The following IAPP variants were observed in gnomAD, a reference collection of about 807,000 sequenced individuals.
IAPP encodes Islet amyloid polypeptide (diabetes-associated peptide; amylin).
IAPP carries 4 observed loss-of-function variants against 2.9 expected under a neutral mutation model. The ratio of observed to expected loss-of-function variants is 1.39; its 90% CI spans 0.69 to 3.19. The LOEUF is 3.19. Ranked by LOEUF, IAPP falls within the 30% of genes most tolerant of loss-of-function variation. The pLI is 0.01. For missense variants in IAPP, 114 were observed against 105.3 expected (o/e 1.08, Z -0.36); for synonymous variants, 40 against 42.1 (o/e 0.95, Z 0.19).
At chr12:21,377,899 T>C (rs1297120527) in intron 2 of IAPP, among the ~76,000 whole-genome samples, 1 of 152,190 alleles carries the variant, frequency 6.6e-6, no homozygotes, top group Non-Finnish European at 1.5e-5. Flanking sequence ...AAATTCTTTT[T>C]ATATATTAAA....
chr12:21,358,246 T>C (rs751063702), intron 1 of IAPP, among the ~76,000 whole-genome samples: 1 of 152,186 alleles, frequency 6.6e-6, no homozygotes, highest in Non-Finnish European at 1.5e-5. Context: ...GAAAGTATGC[T>C]GGAAAAAATC....
intron 1 of IAPP, among the ~76,000 whole-genome samples, chr12:21,367,389 A>C (rs571808548): frequency 6.6e-6 from 1 of 152,314 alleles, no homozygotes; most frequent in African/African-American, 2.4e-5. Context: ...AAAAGGATAA[A>C]AACAACTACG....
At chr12:21,369,621 G>A (rs1254973059), upstream of IAPP, among the ~76,000 whole-genome samples, 3 of 152,106 alleles carry the variant, frequency 2.0e-5, no homozygotes, top group Non-Finnish European at 2.9e-5. Flanking sequence ...TTAAAGTTGC[G>A]GGACAGTTTT....
At chr12:21,361,747 T>G (rs949863270) in intron 1 of IAPP, among the ~76,000 whole-genome samples, 8 of 152,134 alleles carry the variant, frequency 5.3e-5, no homozygotes, top group African/African-American at 1.9e-4. Flanking sequence ...ACGTGACGCA[T>G]GTACAAGCTT....
At chr12:21,360,169 G>A (rs7959775) in intron 1 of IAPP, among the ~76,000 whole-genome samples, 7,861 of 152,196 alleles carry the variant, frequency 0.052, 284 homozygotes, top group Non-Finnish European at 0.079. Flanking sequence ...GAAGTGTAAC[G>A]AGATAAACTA....
intron 2 of IAPP, chr12:21,373,668 CA>C (rs748128579): frequency 2.1e-4 from 145 of 701,118 alleles, no homozygotes; most frequent in Non-Finnish European, 2.6e-4. Flanking sequence ...CCAGTTTTGT[CA>C]AGAAATATAC....
In IAPP at chr12:21,375,615, A is replaced by G. The variant is rs145024077; in HGVS notation, c.80+2184A>G. On this transcript the variant is annotated intron_variant, in intron 2 of 2. Coordinates refer to ENST00000240652, the MANE Select transcript of IAPP (RefSeq NM_000415.3). ...AGGTAATCAAAGGATAGTTAAAAAT[A>G]TAATTACATAGATGCCAAGATGCAA... 1.1e-3 allele frequency among the ~76,000 whole-genome samples: 170 copies of G among 152,360 alleles called. 2 individuals carry two copies. In the East Asian group the frequency reaches 0.027, roughly 25 times the overall value.
At chr12:21,358,949 T>C (rs1361016506) in intron 1 of IAPP, among the ~76,000 whole-genome samples, 4 of 152,138 alleles carry the variant, frequency 2.6e-5, no homozygotes, top group Non-Finnish European at 4.4e-5. Context: ...AGGCTGAAGA[T>C]ATTCACATAT....
At chr12:21,363,806 A>G (rs1227646975) in intron 1 of IAPP, among the ~76,000 whole-genome samples, 2 of 152,230 alleles carry the variant, frequency 1.3e-5, no homozygotes, top group Non-Finnish European at 2.9e-5. Context: ...GAAGAAATGG[A>G]TAAATTCCTG....
intron 2 of IAPP, among the ~76,000 whole-genome samples, chr12:21,375,426 C>A (rs918451392): frequency 6.6e-6 from 1 of 152,120 alleles, no homozygotes; most frequent in African/African-American, 2.4e-5. Context: ...AAATTTTAAA[C>A]TCTTTTTAAA....
intron 1 of IAPP, among the ~76,000 whole-genome samples, chr12:21,361,563 G>T (rs1283109875): frequency 6.6e-6 from 1 of 152,208 alleles, no homozygotes; most frequent in African/African-American, 2.4e-5. Context: ...ACAGAAGAAG[G>T]CTTCAGAAGA....
At chr12:21,372,513 T>C (rs564039902), upstream of IAPP, among the ~76,000 whole-genome samples, 4 of 152,308 alleles carry the variant, frequency 2.6e-5, no homozygotes, top group South Asian at 4.1e-4. Flanking sequence ...GATTCAGCCA[T>C]TGAGGTCACT....
At chr12:21,363,107 A>T (rs1160725193) in intron 1 of IAPP, among the ~76,000 whole-genome samples, 1 of 152,204 alleles carries the variant, frequency 6.6e-6, no homozygotes, top group Non-Finnish European at 1.5e-5. Context: ...TCTCAGCAAC[A>T]CATCACACTT....
chr12:21,369,802 G>A (rs887275267), upstream of IAPP, among the ~76,000 whole-genome samples: 9 of 152,118 alleles, frequency 5.9e-5, no homozygotes, highest in African/African-American at 2.2e-4. Flanking sequence ...AGGCTAGAGG[G>A]GATACCAAGA....
At chr12:21,375,301 G>A (rs940985510) in intron 2 of IAPP, among the ~76,000 whole-genome samples, 2 of 152,262 alleles carry the variant, frequency 1.3e-5, no homozygotes, top group East Asian at 1.9e-4. Flanking sequence ...TGCCTGAAAT[G>A]AGTATGTTTG....
At chr12:21,369,036 T>C (rs1203241400), upstream of IAPP, among the ~76,000 whole-genome samples, 1 of 152,134 alleles carries the variant, frequency 6.6e-6, no homozygotes, top group Non-Finnish European at 1.5e-5. Flanking sequence ...GCAAAATTTA[T>C]GGGTGGGCAG....
At chr12:21,358,582 T>C (rs1244813543) in intron 1 of IAPP, among the ~76,000 whole-genome samples, 3 of 152,162 alleles carry the variant, frequency 2.0e-5, no homozygotes, top group African/African-American at 7.2e-5. Context: ...TCATCATATA[T>C]AGATAATTTT....
chr12:21,373,292 A>G, intron 1 of IAPP, 45 bp from the exon 2 acceptor site: 1 of 1,110,862 alleles, frequency 9.0e-7, no homozygotes, highest in Non-Finnish European at 1.4e-6. Context: ...ATCAATTAGA[A>G]CTGTAAGAAA....
In IAPP at chr12:21,356,584, A is replaced by G. The variant is rs996118392; in HGVS notation, c.-16+1571A>G. Among the ~76,000 whole-genome samples the G allele has an allele frequency of 8.5e-5, 13 of 152,296 alleles. No homozygotes were observed. In the East Asian group the frequency reaches 2.3e-3, roughly 27 times the overall value. On this transcript the variant is annotated intron_variant, in intron 1 of 2. Transcript: ENST00000539393. ...TAACATTCAGAGCTTTTGAAAAAGCATTAAATGTGACATAGAAAAGTAGTT... is the reference window on the plus strand; with the variant it reads ...TAACATTCAGAGCTTTTGAAAAAGCGTTAAATGTGACATAGAAAAGTAGTT...
Sources: gnomAD v4.1 joint callset for allele counts (sites outside exome capture counted in the v4.1 genomes callset) on GRCh38, gnomAD v4.1.1 for gene constraint, MANE v1.5 for transcripts, NCBI Gene and HGNC (gene_info 2026-07-23, HGNC 2026-07-21) for gene names.